Variants in BICD2 observed in about 807,000 individuals in gnomAD.
BICD2 encodes protein bicaudal D homolog 2.
In BICD2, 25 loss-of-function variants were observed where a neutral mutation model predicts 72.9. That is an observed-to-expected ratio of 0.34 (90% CI 0.25 to 0.48). BICD2 has a LOEUF of 0.48. Ranked by LOEUF, BICD2 falls within the 20% of genes least tolerant of loss-of-function variation. The pLI, the probability that BICD2 is intolerant of heterozygous loss-of-function variation, is 0.99. For synonymous variants in BICD2, 501 were observed against 516.1 expected (o/e 0.97, Z 0.40); for missense variants, 894 against 1,175.2 (o/e 0.76, Z 3.50).
At position 92,719,295 on chromosome 9, in the gene BICD2, G is replaced by A. The variant is rs368443099; in HGVS notation, c.1350C>T (p.Arg450=). The change falls in exon 5 of 7, where the codon CGC becomes CGT. Residue 450 remains arginine, a synonymous_variant. Transcript: ENST00000356884. ...TGCTGCGCAGTGCCTTGAGCTGCTCGCGGAGCTCGCCAGCCTCAGCCACAG... is the reference window on the plus strand; with the variant it reads ...TGCTGCGCAGTGCCTTGAGCTGCTCACGGAGCTCGCCAGCCTCAGCCACAG... ...HVAVAEAGEL[R]EQLKALRSTH... is the part of the protein sequence containing the mutation. 34 of 1,613,774 alleles carry A rather than the reference G, an allele frequency of 2.1e-5. No individual in the cohort carries two copies. The highest frequency in any genetic ancestry group is 2.7e-5 in the Non-Finnish European group (32 of 1,180,030).
At position 92,714,199 on chromosome 9, in the gene BICD2, C is replaced by T; in HGVS notation, c.*955G>A. ...CCAGCACCGGGCTGGGCTCTGGATA[C>T]ACCTGTGGGTGTCCAACCCAGCCAA... On this transcript the variant is annotated 3_prime_UTR_variant, in exon 7 of 7. Coordinates refer to ENST00000356884, the MANE Select transcript of BICD2 (RefSeq NM_001003800.2). 1 of 985,528 alleles carries T rather than the reference C, an allele frequency of 1.0e-6. No homozygotes were observed. Among genetic ancestry groups the T allele is most frequent in the Non-Finnish European group, 1.2e-6 (1 of 830,008 alleles). The allele number at this position is 985,528 out of a possible 1,614,324, so 61.0% of individuals were successfully genotyped here.
chr9:92,759,070 T>C (rs1286786415), intron 1 of BICD2, among the ~76,000 whole-genome samples: 1 of 152,078 alleles, frequency 6.6e-6, no homozygotes, highest in Non-Finnish European at 1.5e-5. Context: ...TGACAATTAT[T>C]TCATATAGTA....
chr9:92,735,566 G>T (rs1853767172), intron 1 of BICD2, among the ~76,000 whole-genome samples: 1 of 151,628 alleles, frequency 6.6e-6, no homozygotes, highest in Admixed American at 6.6e-5. Flanking sequence ...CAATGGAGAG[G>T]GCTTGGGGAG....
chr9:92,729,348 G>C (rs1337124042), intron 1 of BICD2, 112 bp from the exon 2 acceptor site: 5 of 1,182,532 alleles, frequency 4.2e-6, no homozygotes. Context: ...CAACAACGGG[G>C]ACTGTGGGCC....
Position 92,764,674 on chromosome 9 carries a change from G to A in BICD2, c.71C>T (p.Ala24Val). The A allele has an allele frequency of 6.3e-7, 1 of 1,589,596 alleles. No individual in the cohort carries two copies. Among genetic ancestry groups the A allele is most frequent in the Non-Finnish European group, 8.5e-7 (1 of 1,171,850 alleles). Residue 24 changes from alanine (A) to valine (V), a missense_variant, in exon 1 of 7, where the codon GCC becomes GTC. By Grantham distance (64) the Ala-to-Val change is moderately conservative. Around this residue, in one of 5 missense-constraint regions of BICD2, gnomAD observed 192 missense variants for 243.6 expected, o/e 0.79. Coordinates refer to ENST00000356884, the MANE Select transcript of BICD2 (RefSeq NM_001003800.2). The surrounding 1 kb of genome is among the most constrained non-coding windows in gnomAD (Gnocchi z 5.5). ...VMEAQPEWLR[A>V]EVKRLSHELA... is the part of the protein sequence containing the mutation. The stretch of plus-strand genomic sequence containing the variant: ...CTCGTGGGACAGCCGCTTCACCTCG[G>A]CGCGCAGCCACTCCGGCTGCGCCTC...
chr9:92,726,732 G>C (rs983378219), intron 2 of BICD2, among the ~76,000 whole-genome samples: 16 of 152,158 alleles, frequency 1.1e-4, no homozygotes, highest in Non-Finnish European at 1.9e-4. Context: ...ACCCTCAGGA[G>C]AGACAGGGAA....
At chr9:92,733,334 G>A (rs1476671534) in intron 1 of BICD2, among the ~76,000 whole-genome samples, 1 of 151,754 alleles carries the variant, frequency 6.6e-6, no homozygotes, top group East Asian at 1.9e-4. Context: ...TCAGGAGTTC[G>A]AGACCAGCCT....
intron 1 of BICD2, among the ~76,000 whole-genome samples, chr9:92,745,272 G>T (rs1853986559): frequency 6.6e-6 from 1 of 152,100 alleles, no homozygotes; most frequent in South Asian, 2.1e-4. Flanking sequence ...ACACTGGGAT[G>T]GGGGATGGGA....
chr9:92,753,929 G>A (rs1041218341), intron 1 of BICD2, among the ~76,000 whole-genome samples: 1 of 151,498 alleles, frequency 6.6e-6, no homozygotes, highest in Non-Finnish European at 1.5e-5. Flanking sequence ...CGGATCACGA[G>A]GTCAGGAGAT....
At position 92,722,897 on chromosome 9, in the gene BICD2, T is replaced by C. The variant is rs773737219; in HGVS notation, c.454-89A>G. 5.4e-4 allele frequency: 821 copies of C among 1,533,380 alleles called. 1 individual carries two copies. The highest frequency in any genetic ancestry group is 6.8e-4 in the Non-Finnish European group (766 of 1,122,698). 95.0% of individuals were successfully genotyped at this position (1,533,380 alleles called of 1,614,324 possible). A position where few individuals can be genotyped will look rare whatever the true frequency, so the allele number is the denominator to read the frequency against. The stretch of plus-strand genomic sequence containing the variant: ...CAGCCAGGCACGCCATGGCCAGCCA[T>C]ACAGCCAGAACTCAAGAGCCCTGGC... On this transcript the variant is annotated intron_variant, in intron 2 of 6. Transcript: ENST00000356884.
intron 1 of BICD2, among the ~76,000 whole-genome samples, chr9:92,742,949 C>T (rs1274490043): frequency 6.6e-6 from 1 of 152,202 alleles, no homozygotes; most frequent in East Asian, 1.9e-4. Context: ...ATTTGTTTAT[C>T]CATTCATCAT....
intron 1 of BICD2, among the ~76,000 whole-genome samples, chr9:92,745,189 T>C (rs1853984714): frequency 6.6e-6 from 1 of 152,120 alleles, no homozygotes; most frequent in Admixed American, 6.5e-5. Context: ...CAAACAGATG[T>C]ACAGCCTTGC....
At chr9:92,756,417 A>T (rs1854258347) in intron 1 of BICD2, among the ~76,000 whole-genome samples, 1 of 151,880 alleles carries the variant, frequency 6.6e-6, no homozygotes, top group Non-Finnish European at 1.5e-5. Flanking sequence ...GCCTGCCACC[A>T]AGCCCGGCTA....
intron 1 of BICD2, among the ~76,000 whole-genome samples, chr9:92,756,139 C>G (rs1415005269): frequency 6.6e-6 from 1 of 152,216 alleles, no homozygotes; most frequent in Non-Finnish European, 1.5e-5. Context: ...ACAACATCAC[C>G]TCAGGTGGGC....
rs147026617 is a variant in BICD2 at position 92,727,084 on chromosome 9, G to T, written c.453+1940C>A. Among the ~76,000 whole-genome samples, 1,080 of 152,260 alleles carry T rather than the reference G, an allele frequency of 7.1e-3. 9 individuals are homozygous for T. The highest frequency in any genetic ancestry group is 0.012 in the Admixed American group (186 of 15,302). ...CCACCGACCAGAGGGCTCCTTGTGA[G>T]AGGAAATGAGATCATGTACTGCCGC... On this transcript the variant is annotated intron_variant, in intron 2 of 6. Transcript: ENST00000356884.
intron 2 of BICD2, among the ~76,000 whole-genome samples, chr9:92,726,322 G>A (rs887164129): frequency 6.6e-6 from 1 of 152,186 alleles, no homozygotes; most frequent in Non-Finnish European, 1.5e-5. Flanking sequence ...TGTGGAGGGG[G>A]ACAGACAACC....
At chr9:92,723,452 G>A (rs745668999) in intron 2 of BICD2, among the ~76,000 whole-genome samples, 3 of 152,214 alleles carry the variant, frequency 2.0e-5, no homozygotes, top group Non-Finnish European at 4.4e-5. Flanking sequence ...AGTGAAAGAA[G>A]GCCTGTCACG....
chr9:92,751,586 C>G (rs1375307206), intron 1 of BICD2, among the ~76,000 whole-genome samples: 1 of 152,136 alleles, frequency 6.6e-6, no homozygotes, highest in Non-Finnish European at 1.5e-5. Context: ...TACATGTGAA[C>G]TGGAATGAAA....
chr9:92,763,431 G>A (rs1396665881), intron 1 of BICD2, among the ~76,000 whole-genome samples: 2 of 152,112 alleles, frequency 1.3e-5, no homozygotes, highest in Admixed American at 1.3e-4. Flanking sequence ...CCAAATACAT[G>A]ACCCTCACAA....
Sources: allele counts gnomAD v4.1 joint callset (sites outside exome capture counted in the v4.1 genomes callset), GRCh38; gene constraint gnomAD v4.1.1; regional missense constraint gnomAD v4.1.1; non-coding constraint Gnocchi (gnomAD v3.1); transcripts MANE v1.5; gene names NCBI Gene and HGNC (gene_info 2026-07-23, HGNC 2026-07-21).